CDYL2: variants seen among roughly 807,000 people sequenced by gnomAD.
The protein encoded by CDYL2 is chromodomain Y like 2, also known as chromodomain Y-like protein 2.
Under a neutral mutation model 49.4 loss-of-function variants are expected in CDYL2, and 23 were observed. The ratio of observed to expected loss-of-function variants is 0.47; its 90% CI spans 0.34 to 0.66. The LOEUF is 0.66. Ranked by LOEUF, CDYL2 falls within the 30% of genes least tolerant of loss-of-function variation. The pLI, the probability that CDYL2 is intolerant of heterozygous loss-of-function variation, is 0.01. For synonymous variants in CDYL2, 360 were observed against 268.8 expected (o/e 1.34, Z -3.32); for missense variants, 678 against 656.4 (o/e 1.03, Z -0.36).
At chr16:80,691,794 C>T (rs1910426317) in intron 1 of CDYL2, among the ~76,000 whole-genome samples, 1 of 151,580 alleles carries the variant, frequency 6.6e-6, no homozygotes, top group South Asian at 2.1e-4. Flanking sequence ...AGAAGAGATA[C>T]ATGATGAAAT....
intron 2 of CDYL2, among the ~76,000 whole-genome samples, chr16:80,662,473 T>C (rs773961128): frequency 6.6e-6 from 1 of 152,184 alleles, no homozygotes; most frequent in Non-Finnish European, 1.5e-5. Flanking sequence ...TCTGGTTGTT[T>C]GTACACCCTT....
intron 1 of CDYL2, among the ~76,000 whole-genome samples, chr16:80,777,535 A>G (rs892351114): frequency 2.0e-5 from 3 of 152,166 alleles, no homozygotes; most frequent in Admixed American, 6.5e-5. Flanking sequence ...AAAGAGATGA[A>G]GGGTATAACC....
chr16:80,632,941 G>A (rs1480108343), intron 3 of CDYL2, 78 bp downstream of exon 3: 1 of 1,400,376 alleles, frequency 7.1e-7, no homozygotes, highest in Non-Finnish European at 1.0e-6. Context: ...ATGGAAGGAA[G>A]GAGAAAGCCA....
intron 1 of CDYL2, among the ~76,000 whole-genome samples, chr16:80,783,558 C>G (rs1319309286): frequency 6.6e-6 from 1 of 152,048 alleles, no homozygotes; most frequent in African/African-American, 2.4e-5. Context: ...TATGCAGATC[C>G]ACAATAATGG....
chr16:80,634,022 C>T (rs979283521), intron 2 of CDYL2, among the ~76,000 whole-genome samples: 1 of 151,350 alleles, frequency 6.6e-6, no homozygotes. Context: ...CCATCGGAAG[C>T]AGATATAGGA....
intron 3 of CDYL2, among the ~76,000 whole-genome samples, chr16:80,628,589 A>C (rs1332383064): frequency 6.6e-6 from 1 of 152,232 alleles, no homozygotes; most frequent in African/African-American, 2.4e-5. Flanking sequence ...TGGCTGAGCC[A>C]TGCCCAGATT....
At chr16:80,687,482 C>T (rs1166308351) in intron 1 of CDYL2, among the ~76,000 whole-genome samples, 1 of 150,738 alleles carries the variant, frequency 6.6e-6, no homozygotes, top group Non-Finnish European at 1.5e-5. Context: ...GAATAGATGG[C>T]TGGATAGATG....
chr16:80,645,402 C>T (rs964145612), intron 2 of CDYL2, among the ~76,000 whole-genome samples: 2 of 152,148 alleles, frequency 1.3e-5, no homozygotes, highest in African/African-American at 4.8e-5. Context: ...CATCACTGGC[C>T]ATCAGAGAAA....
chr16:80,700,691 A>G (rs975019537), intron 1 of CDYL2, among the ~76,000 whole-genome samples: 2 of 152,262 alleles, frequency 1.3e-5, no homozygotes, highest in Non-Finnish European at 2.9e-5. Context: ...ATATGTTCTT[A>G]GCATATGTAA....
chr16:80,623,965 T>A (rs774903292), intron 3 of CDYL2, among the ~76,000 whole-genome samples: 1 of 152,088 alleles, frequency 6.6e-6, no homozygotes, highest in Non-Finnish European at 1.5e-5. Flanking sequence ...GGAGCCAGGA[T>A]CTGAAAGTGA....
At chr16:80,624,567 G>A (rs1355029443) in intron 3 of CDYL2, among the ~76,000 whole-genome samples, 2 of 152,170 alleles carry the variant, frequency 1.3e-5, no homozygotes, top group African/African-American at 4.8e-5. Flanking sequence ...AGCAGGAGAT[G>A]AGCTCACAAT....
intron 2 of CDYL2, among the ~76,000 whole-genome samples, chr16:80,654,590 C>T (rs1221511062): frequency 6.6e-6 from 1 of 152,192 alleles, no homozygotes; most frequent in African/African-American, 2.4e-5. Context: ...GCCCTGGGTC[C>T]ACCTCCGGGT....
intron 1 of CDYL2, among the ~76,000 whole-genome samples, chr16:80,690,133 AAAATAAAAAAAT>A (rs1265883255): frequency 6.9e-4 from 104 of 150,608 alleles, no homozygotes; most frequent in Middle Eastern, 3.4e-3. Flanking sequence ...AAATAAAAAA[AAAATAAAAAAAT>A]AAATAGAAAT....
In CDYL2 at chr16:80,600,643, C is replaced by T. The variant is rs1306132032; in HGVS notation, c.*3745G>A. 1 of 152,008 alleles carries T rather than the reference C, an allele frequency of 6.6e-6. No individual in the cohort carries two copies. The highest frequency in any genetic ancestry group is 2.4e-5 in the African/African-American group (1 of 41,406). 9.4% of individuals were successfully genotyped at this position (152,008 alleles called of 1,614,324 possible). A position where few individuals can be genotyped will look rare whatever the true frequency, so the allele number is the denominator to read the frequency against. ...TACAACAGATATAAGTGTCTGAATACAGAAAAACAGAAGATAAGCAATTCT... is the reference window on the plus strand; with the variant it reads ...TACAACAGATATAAGTGTCTGAATATAGAAAAACAGAAGATAAGCAATTCT... On this transcript the variant is annotated 3_prime_UTR_variant, in exon 7 of 7. Coordinates refer to ENST00000570137, the MANE Select transcript of CDYL2 (RefSeq NM_152342.4).
intron 1 of CDYL2, among the ~76,000 whole-genome samples, chr16:80,701,086 C>T (rs1222592546): frequency 6.6e-6 from 1 of 152,166 alleles, no homozygotes; most frequent in Non-Finnish European, 1.5e-5. Flanking sequence ...TCTGCACAAA[C>T]CCTTGAACCA....
intron 2 of CDYL2, among the ~76,000 whole-genome samples, chr16:80,673,850 A>G (rs144802311): frequency 2.0e-3 from 300 of 152,338 alleles, no homozygotes; most frequent in African/African-American, 7.0e-3. Flanking sequence ...GTGTAATCAC[A>G]TAAGTCCTTG....
intron 1 of CDYL2, among the ~76,000 whole-genome samples, chr16:80,711,610 C>G (rs1282474107): frequency 1.3e-5 from 2 of 152,168 alleles, no homozygotes; most frequent in African/African-American, 4.8e-5. Context: ...CTGTGTGACC[C>G]ACAGCAAATT....
chr16:80,750,686 T>C (rs1331079000), intron 1 of CDYL2, among the ~76,000 whole-genome samples: 2 of 152,128 alleles, frequency 1.3e-5, no homozygotes, highest in Non-Finnish European at 2.9e-5. Flanking sequence ...AGAACAACTA[T>C]GAAGGGAGAG....
chr16:80,657,552 T>A (rs1908863357), intron 2 of CDYL2, among the ~76,000 whole-genome samples: 1 of 152,094 alleles, frequency 6.6e-6, no homozygotes, highest in South Asian at 2.1e-4. Context: ...AAAAGAATAG[T>A]GCACATTAAA....
Sources: gnomAD v4.1 joint callset for allele counts (sites outside exome capture counted in the v4.1 genomes callset) on GRCh38, gnomAD v4.1.1 for gene constraint, MANE v1.5 for transcripts, NCBI Gene and HGNC (gene_info 2026-07-23, HGNC 2026-07-21) for gene names.